KIAA0040: variants seen among roughly 807,000 people sequenced by gnomAD.
The protein encoded by KIAA0040 is KIAA0040.
Under a neutral mutation model 7.2 loss-of-function variants are expected in KIAA0040, and 10 were observed. The observed-to-expected ratio is 1.38, with a 90% CI of 0.85 to 2.34. The LOEUF is 2.34. KIAA0040 is among the 30% of genes most tolerant of loss of function. The pLI is 0.00. For synonymous variants in KIAA0040, 49 were observed against 40.1 expected, an observed-to-expected ratio of 1.22 and a Z score of -0.84; for missense variants, 89 against 108.2, an observed-to-expected ratio of 0.82 and a Z score of 0.79.
Position 175,161,025 on chromosome 1 carries a change from A to G in KIAA0040, c.-12T>C. The G allele has an allele frequency of 6.5e-7, 1 of 1,544,290 alleles. No homozygotes were observed. On this transcript the variant is annotated 5_prime_UTR_variant, in exon 4 of 4. Coordinates refer to ENST00000423313, the MANE Select transcript of KIAA0040 (RefSeq NM_014656.3). ...CTGATTCTCTCCATGGTGCTTGGCT[A>G]GATTAGGGCCAGAGAACCCTCTCGG...
chr1:175,188,983 A>T (rs1211549399), intron 1 of KIAA0040, among the ~76,000 whole-genome samples: 2 of 152,094 alleles, frequency 1.3e-5, no homozygotes, highest in Non-Finnish European at 2.9e-5. Flanking sequence ...TGGAACTTGG[A>T]TTCTGGTCCC....
chr1:175,163,755 G>A lies in KIAA0040; in HGVS notation c.-133-2609C>T, dbSNP rs558010158. Among the ~76,000 whole-genome samples, 33 of 152,220 alleles carry A rather than the reference G, an allele frequency of 2.2e-4. 1 individual carries two copies. Among genetic ancestry groups the A allele is most frequent in the South Asian group, 4.2e-4 (2 of 4,814 alleles). On this transcript the variant is annotated intron_variant, in intron 3 of 3. Transcript: ENST00000423313. ...TCTACTCACAGCTTTCCTGATTCACGTTAGATAACACCACCACCACAAATG... is the reference window on the plus strand; with the variant it reads ...TCTACTCACAGCTTTCCTGATTCACATTAGATAACACCACCACCACAAATG...
At chr1:175,177,036 T>C (rs1489153880) in intron 2 of KIAA0040, among the ~76,000 whole-genome samples, 4 of 152,138 alleles carry the variant, frequency 2.6e-5, no homozygotes, top group African/African-American at 9.7e-5. Flanking sequence ...GCTCCATCCA[T>C]GCCTGGAGAC....
Position 175,192,390 on chromosome 1 carries a change from C to T in KIAA0040, c.-384+250G>A, listed in dbSNP as rs896857448. ...AGCTGGAGTAAGGTAACTCCACCGC[C>T]GACCTCCGAGGAGTTCATGTGGACT... On this transcript the variant is annotated intron_variant, in intron 1 of 3. Coordinates refer to ENST00000423313, the MANE Select transcript of KIAA0040 (RefSeq NM_014656.3). 1.4e-4 allele frequency among the ~76,000 whole-genome samples: 22 copies of T among 152,252 alleles called. 1 individual carries two copies. The highest frequency in any genetic ancestry group is 1.2e-3 in the Admixed American group (18 of 15,298).
chr1:175,184,375 G>C (rs6683120), intron 1 of KIAA0040, among the ~76,000 whole-genome samples: 8,877 of 152,240 alleles, frequency 0.058, 829 homozygotes, highest in African/African-American at 0.2. Flanking sequence ...GGTGCCACTG[G>C]AAGGCCTCCT....
intron 1 of KIAA0040, among the ~76,000 whole-genome samples, chr1:175,191,797 A>G (rs141346999): frequency 0.01 from 1,525 of 152,288 alleles, 27 homozygotes; most frequent in African/African-American, 0.034. Context: ...AGCTTCCAAG[A>G]TGCTCCAGTG....
At chr1:175,170,458 C>T (rs1676943094) in intron 2 of KIAA0040, among the ~76,000 whole-genome samples, 1 of 152,184 alleles carries the variant, frequency 6.6e-6, no homozygotes, top group African/African-American at 2.4e-5. Context: ...TATGATCACA[C>T]CTCCTTAGCA....
At position 175,157,099 on chromosome 1, in the gene KIAA0040, A is replaced by G. The variant is rs1676300486; in HGVS notation, c.*3615T>C. ...AGTGTACACACACTTACACACACAC[A>G]TACACACAGTTTTTGCCCTAGTGGC... On this transcript the variant is annotated 3_prime_UTR_variant, in exon 4 of 4. Transcript: ENST00000423313. The G allele has an allele frequency of 1.3e-5, 2 of 152,198 alleles. No homozygotes were observed. Among genetic ancestry groups the G allele is most frequent in the Admixed American group, 1.3e-4 (2 of 15,274 alleles). 9.4% of individuals were successfully genotyped at this position (152,198 alleles called of 1,614,324 possible). A position where few individuals can be genotyped will look rare whatever the true frequency, so the allele number is the denominator to read the frequency against.
chr1:175,161,731 T>C (rs1282117042), intron 3 of KIAA0040, among the ~76,000 whole-genome samples: 1 of 152,300 alleles, frequency 6.6e-6, no homozygotes, highest in Non-Finnish European at 1.5e-5. Context: ...TGCTGTCCCC[T>C]CATGATCTCT....
intron 2 of KIAA0040, among the ~76,000 whole-genome samples, chr1:175,173,941 G>A (rs1677083326): frequency 6.6e-6 from 1 of 151,560 alleles, no homozygotes; most frequent in Non-Finnish European, 1.5e-5. Context: ...TCAATCTTCA[G>A]CTAGTCCTAA....
chr1:175,186,107 G>A (rs1677650340), intron 1 of KIAA0040, among the ~76,000 whole-genome samples: 1 of 152,204 alleles, frequency 6.6e-6, no homozygotes, highest in Non-Finnish European at 1.5e-5. Context: ...TTTGAAACTA[G>A]ATGGAGGGGT....
At chr1:175,178,369 G>A (rs374757583) in intron 1 of KIAA0040, among the ~76,000 whole-genome samples, 1 of 152,310 alleles carries the variant, frequency 6.6e-6, no homozygotes, top group East Asian at 1.9e-4. Context: ...GAAGAGCTTT[G>A]TATAAAATGT....
intron 1 of KIAA0040, among the ~76,000 whole-genome samples, chr1:175,181,196 C>T (rs1677426533): frequency 6.6e-6 from 1 of 151,972 alleles, no homozygotes; most frequent in Admixed American, 6.6e-5. Flanking sequence ...GTAACTTCTG[C>T]CTGCAAAGTC....
At chr1:175,184,548 T>C (rs761714727) in intron 1 of KIAA0040, among the ~76,000 whole-genome samples, 4 of 152,192 alleles carry the variant, frequency 2.6e-5, no homozygotes, top group Non-Finnish European at 5.9e-5. Flanking sequence ...AGTTGAAACA[T>C]AGGACCCAGG....
chr1:175,165,876 C>A (rs779427505), intron 3 of KIAA0040, among the ~76,000 whole-genome samples: 14 of 151,168 alleles, frequency 9.3e-5, no homozygotes, highest in Non-Finnish European at 1.8e-4. Context: ...GCAGGGCGTT[C>A]TATTCTGCAT....
In KIAA0040 at chr1:175,160,626, T is replaced by C. The variant is rs1366965583; in HGVS notation, c.*88A>G. 8.2e-7 allele frequency: 1 copy of C among 1,216,560 alleles called. No homozygotes were observed. Among genetic ancestry groups the C allele is most frequent in the Non-Finnish European group, 1.1e-6 (1 of 889,972 alleles). The allele number at this position is 1,216,560 out of a possible 1,614,324, so 75.4% of individuals were successfully genotyped here. A position where few individuals can be genotyped will look rare whatever the true frequency, so the allele number is the denominator to read the frequency against. On this transcript the variant is annotated 3_prime_UTR_variant, in exon 4 of 4. Transcript: ENST00000423313. ...AGTTACTCTGTGGACATGGACATAG[T>C]GCATTATTTCAGGGGTTCCTGAAAT...
At chr1:175,186,559 T>C (rs923379995) in intron 1 of KIAA0040, among the ~76,000 whole-genome samples, 2 of 152,222 alleles carry the variant, frequency 1.3e-5, no homozygotes, top group African/African-American at 4.8e-5. Context: ...TGTGGAGGAC[T>C]GCAGTGCCTC....
rs1241377075 is a variant in KIAA0040 at position 175,160,781 on chromosome 1, T to C, written c.233A>G (p.Glu78Gly). The C allele has an allele frequency of 4.8e-5, 74 of 1,536,930 alleles. No homozygotes were observed. The East Asian group carries it at 1.8e-3, about 38-fold the overall frequency. ...GGGTTGAGCAGAGATCCAGAGGTCT[T>C]CTTCATCCTTCTTCTTCTTCTTCTT... ...KKKKKKKKDE[E>G]DLWISAQPKL... Residue 78 changes from glutamate to glycine, a missense_variant, in exon 4 of 4, where the codon GAA (glutamate) becomes GGA (glycine). Glu to Gly is a moderately conservative substitution (Grantham distance 98). Transcript: ENST00000423313.
intron 1 of KIAA0040, among the ~76,000 whole-genome samples, chr1:175,180,928 T>C (rs1677417190): frequency 6.6e-6 from 1 of 152,164 alleles, no homozygotes; most frequent in Non-Finnish European, 1.5e-5. Flanking sequence ...CACTGTAACC[T>C]TGATTTCTTG....
Sources: gnomAD v4.1 joint callset for allele counts (sites outside exome capture counted in the v4.1 genomes callset) on GRCh38, gnomAD v4.1.1 for gene constraint, MANE v1.5 for transcripts, NCBI Gene and HGNC (gene_info 2026-07-23, HGNC 2026-07-21) for gene names.